The following PCSK5 variants were observed in gnomAD, a reference collection of about 807,000 sequenced individuals.
PCSK5 encodes prohormone convertase 5.
A neutral mutation model predicts 233.2 loss-of-function variants in PCSK5; 129 were observed. The observed-to-expected ratio is 0.55, with a 90% CI of 0.48 to 0.64. The LOEUF is 0.64. Among genes scored for constraint, PCSK5 ranks in the 30% least tolerant of loss-of-function variants. PCSK5 has a pLI of 0.00. For missense variants in PCSK5, 2,076 were observed against 2,430.1 expected, an observed-to-expected ratio of 0.85 and a Z score of 3.06; for synonymous variants, 825 against 879.2, an observed-to-expected ratio of 0.94 and a Z score of 1.09.
intron 24 of PCSK5, among the ~76,000 whole-genome samples, chr9:76,279,553 T>C (rs1405955150): frequency 6.6e-6 from 1 of 151,962 alleles, no homozygotes; most frequent in Non-Finnish European, 1.5e-5. Flanking sequence ...TTCCTGTTTC[T>C]CCACATCCTC....
chr9:76,022,751 T>C (rs534557403), intron 3 of PCSK5, among the ~76,000 whole-genome samples: 1 of 152,344 alleles, frequency 6.6e-6, no homozygotes, highest in East Asian at 1.9e-4. Context: ...TGAGCTCAGG[T>C]TCCATGTTTT....
intron 2 of PCSK5, among the ~76,000 whole-genome samples, chr9:75,961,387 G>A (rs1554666224): frequency 6.6e-6 from 1 of 152,216 alleles, no homozygotes; most frequent in Non-Finnish European, 1.5e-5. Flanking sequence ...ATTGTAAAAT[G>A]TTTGATACAT....
chr9:76,267,018 C>A (rs1230803786), intron 24 of PCSK5, among the ~76,000 whole-genome samples: 1 of 152,170 alleles, frequency 6.6e-6, no homozygotes, highest in African/African-American at 2.4e-5. Context: ...ACTATGATTA[C>A]CCATGACTTG....
At position 75,891,036 on chromosome 9, in the gene PCSK5, A is replaced by T. The variant is rs954977830; in HGVS notation, c.-146A>T. The T allele has an allele frequency of 5.5e-6, 3 of 548,630 alleles. No individual in the cohort carries two copies. Among genetic ancestry groups the T allele is most frequent in the African/African-American group, 2.0e-5 (1 of 50,428 alleles). 34.0% of individuals were successfully genotyped at this position (548,630 alleles called of 1,614,324 possible). A position where few individuals can be genotyped will look rare whatever the true frequency, so the allele number is the denominator to read the frequency against. ...CGCTGCTCTGCTCCCTGCCGGGGCT[A>T]GCCGCCTCCTGCCGATCGCCCGGGG... On this transcript the variant is annotated 5_prime_UTR_variant, in exon 1 of 38. Transcript: ENST00000674117.
intron 6 of PCSK5, among the ~76,000 whole-genome samples, chr9:76,071,465 C>T (rs1830478414): frequency 6.6e-6 from 1 of 152,070 alleles, no homozygotes; most frequent in South Asian, 2.1e-4. Flanking sequence ...GAGACTGTGG[C>T]AGCTGTTATA....
intron 5 of PCSK5, among the ~76,000 whole-genome samples, chr9:76,063,043 C>G (rs150277925): frequency 6.6e-6 from 1 of 152,098 alleles, no homozygotes; most frequent in Non-Finnish European, 1.5e-5. Context: ...TGAGGACATG[C>G]GATATTTGTC....
At chr9:75,943,624 A>G (rs540060424) in intron 2 of PCSK5, among the ~76,000 whole-genome samples, 3 of 152,306 alleles carry the variant, frequency 2.0e-5, no homozygotes, top group African/African-American at 7.2e-5. Context: ...AGTGGAAAGA[A>G]CCTTTGTATT....
intron 20 of PCSK5, chr9:76,205,300 T>G (rs1311506874): frequency 1.4e-5 from 7 of 517,942 alleles, no homozygotes; most frequent in Non-Finnish European, 2.7e-5. Flanking sequence ...GACCCGCCTA[T>G]GCTGTTCCCA....
chr9:76,012,616 T>C (rs934825865), intron 3 of PCSK5, among the ~76,000 whole-genome samples: 2 of 152,242 alleles, frequency 1.3e-5, no homozygotes, highest in Non-Finnish European at 2.9e-5. Flanking sequence ...AGCGCACCTT[T>C]ATTTGAGGTC....
intron 24 of PCSK5, among the ~76,000 whole-genome samples, chr9:76,274,840 C>A (rs1827637764): frequency 6.6e-6 from 1 of 152,164 alleles, no homozygotes; most frequent in Non-Finnish European, 1.5e-5. Flanking sequence ...CTTCTGCAGG[C>A]TGTACAAGAG....
chr9:76,026,513 T>C (rs931991802), intron 4 of PCSK5, among the ~76,000 whole-genome samples: 3 of 152,178 alleles, frequency 2.0e-5, no homozygotes, highest in African/African-American at 4.8e-5. Context: ...CTGAAATCTA[T>C]ATATTATGAT....
intron 9 of PCSK5, among the ~76,000 whole-genome samples, chr9:76,117,535 T>C (rs1459483406): frequency 6.6e-6 from 1 of 152,162 alleles, no homozygotes; most frequent in African/African-American, 2.4e-5. Flanking sequence ...TACTGAGTTA[T>C]TGCTTTCTGG....
At chr9:76,281,990 C>G (rs11507274) in intron 24 of PCSK5, among the ~76,000 whole-genome samples, 19,389 of 151,666 alleles carry the variant, frequency 0.13, 1,691 homozygotes, top group African/African-American at 0.25. Flanking sequence ...CAATAGCTGC[C>G]GTAGAGATTC....
intron 16 of PCSK5, among the ~76,000 whole-genome samples, chr9:76,183,897 G>A (rs1232021004): frequency 1.3e-5 from 2 of 152,120 alleles, no homozygotes; most frequent in African/African-American, 4.8e-5. Flanking sequence ...TTTTATCTAA[G>A]GTAGAAGGAC....
rs79143323 is a variant in PCSK5, at chr9:76,295,513, C to T, written c.3322+102C>T. 1.4e-4 allele frequency: 147 copies of T among 1,019,016 alleles called. No individual in the cohort carries two copies. The East Asian group carries it at 2.4e-3, about 17-fold the overall frequency. 63.1% of individuals were successfully genotyped at this position (1,019,016 alleles called of 1,614,324 possible). ...CATGTGATTGGTTTCAGAGTCTGTG[C>T]GTGTGGGCACCTCTGGCCCAAGGAG... On this transcript the variant is annotated intron_variant, in intron 26 of 37. Coordinates refer to ENST00000674117, the MANE Select transcript of PCSK5 (RefSeq NM_001372043.1).
chr9:76,355,859 A>G (rs1228738919), intron 37 of PCSK5, among the ~76,000 whole-genome samples: 1 of 151,862 alleles, frequency 6.6e-6, no homozygotes. Flanking sequence ...GCCCACCACC[A>G]CACCCGGCTA....
At chr9:75,959,556 CT>C (rs1825249880) in intron 2 of PCSK5, among the ~76,000 whole-genome samples, 1 of 152,196 alleles carries the variant, frequency 6.6e-6, no homozygotes, top group South Asian at 2.1e-4. Flanking sequence ...ATGATCCCCC[CT>C]GCTCCCTACC....
At chr9:76,081,480 CAAACAAAT>C (rs1306983036) in intron 7 of PCSK5, among the ~76,000 whole-genome samples, 2 of 146,054 alleles carry the variant, frequency 1.4e-5, no homozygotes, top group African/African-American at 5.2e-5. Flanking sequence ...AATAAACAAA[CAAACAAAT>C]AAATAAATAA....
intron 9 of PCSK5, among the ~76,000 whole-genome samples, chr9:76,112,929 C>T (rs996298544): frequency 6.6e-6 from 1 of 152,084 alleles, no homozygotes; most frequent in African/African-American, 2.4e-5. Context: ...GTATCCTCCA[C>T]GACACCTAAG....
Sources: allele counts gnomAD v4.1 joint callset (sites outside exome capture counted in the v4.1 genomes callset), GRCh38; gene constraint gnomAD v4.1.1; transcripts MANE v1.5; gene names NCBI Gene and HGNC (gene_info 2026-07-23, HGNC 2026-07-21).